The following CATSPERE variants were observed in gnomAD, a reference collection of about 807,000 sequenced individuals.
CATSPERE encodes the protein catsper channel auxiliary subunit epsilon.
In CATSPERE, 93 loss-of-function variants were observed where a neutral mutation model predicts 114.1. That is an observed-to-expected ratio of 0.81 (90% CI 0.69 to 0.97). The LOEUF (loss-of-function observed/expected upper bound fraction) is 0.97. Ranked by LOEUF, CATSPERE falls within the 50% of genes least tolerant of loss-of-function variation. CATSPERE has a pLI of 0.00. For synonymous variants in CATSPERE, 341 were observed against 384.1 expected (o/e 0.89, Z 1.31); for missense variants, 1,058 against 1,131.6 (o/e 0.93, Z 0.93).
chr1:244,584,896 T>C (rs893955691), intron 13 of CATSPERE, among the ~76,000 whole-genome samples: 15 of 152,146 alleles, frequency 9.9e-5, no homozygotes, highest in Non-Finnish European at 1.6e-4. Flanking sequence ...ACAACTCCCC[T>C]GTCTGCCTAC....
At chr1:244,631,420 A>G (rs1040565765) in intron 20 of CATSPERE, among the ~76,000 whole-genome samples, 1 of 152,092 alleles carries the variant, frequency 6.6e-6, no homozygotes, top group Non-Finnish European at 1.5e-5. Flanking sequence ...GATAAACACC[A>G]GTGGTATGAT....
At chr1:244,482,311 T>C (rs1420254936) in intron 5 of CATSPERE, among the ~76,000 whole-genome samples, 1 of 151,896 alleles carries the variant, frequency 6.6e-6, no homozygotes, top group Non-Finnish European at 1.5e-5. Context: ...ACAAAAAATA[T>C]AAAAAATTTG....
At chr1:244,454,481 G>A (rs1665941676) in exon 1 of CATSPERE, 1 of 151,868 alleles carries the variant, frequency 6.6e-6, no homozygotes, top group African/African-American at 2.4e-5. Flanking sequence ...AACAGTAAAG[G>A]GTGATTTTCT....
intron 19 of CATSPERE, 195 bp downstream of exon 19, chr1:244,610,521 G>GT (rs1180246364): frequency 1.5e-5 from 10 of 675,648 alleles, no homozygotes; most frequent in Non-Finnish European, 2.2e-5. Context: ...TGTTGGTTCT[G>GT]TGTTACTATT....
intron 17 of CATSPERE, chr1:244,598,778 G>A (rs753713551): frequency 2.5e-5 from 4 of 161,848 alleles, no homozygotes; most frequent in South Asian, 3.2e-4. Flanking sequence ...ACCTCTTAGT[G>A]TTGGAATGCC....
rs545821881 is a variant in CATSPERE, at chr1:244,515,806, T to C, written c.430-2786T>C. On this transcript the variant is annotated intron_variant, in intron 7 of 21. Transcript: ENST00000366534. ...GATACAACTAGAAAAATTATTGTTA[T>C]TTTTAATAACAATACTATTATAATA... 8.0e-4 allele frequency among the ~76,000 whole-genome samples: 121 copies of C among 151,536 alleles called. 2 individuals carry two copies. Among genetic ancestry groups the C allele is most frequent in the African/African-American group, 2.8e-3 (115 of 41,434 alleles).
intron 10 of CATSPERE, among the ~76,000 whole-genome samples, chr1:244,564,966 G>A (rs1330745809): frequency 1.3e-5 from 2 of 152,102 alleles, no homozygotes; most frequent in Non-Finnish European, 1.5e-5. Context: ...AAGGGGTGTT[G>A]AATTTTATTG....
chr1:244,588,988 CT>C (rs1359667758), intron 14 of CATSPERE, among the ~76,000 whole-genome samples: 1 of 152,166 alleles, frequency 6.6e-6, no homozygotes, highest in Non-Finnish European at 1.5e-5. Flanking sequence ...TGGGAAATTT[CT>C]TAGAACAAGC....
rs1665026748 is a variant in CATSPERE at position 244,575,016 on chromosome 1, A to C, written c.1950+2244A>C. 1.4e-5 allele frequency among the ~76,000 whole-genome samples: 2 copies of C among 144,070 alleles called. No homozygotes were observed. The highest frequency in any genetic ancestry group is 3.0e-5 in the Non-Finnish European group (2 of 65,714). The allele number at this position is 144,070 out of a possible 152,430, so 94.5% of individuals were successfully genotyped here. The stretch of plus-strand genomic sequence containing the variant: ...GTCTCTTTCAGTCTCTCGCTCACTT[A>C]TTCTCTCCCTCTATCTCTCTCTCTC... On this transcript the variant is annotated intron_variant, in intron 11 of 21. Transcript: ENST00000366534. This position sits in a 1 kb window ranked among gnomAD's most constrained non-coding sequence, Gnocchi z 4.5.
intron 4 of CATSPERE, among the ~76,000 whole-genome samples, chr1:244,478,921 A>G (rs963186136): frequency 8.8e-5 from 13 of 147,858 alleles, no homozygotes; most frequent in African/African-American, 3.3e-4. Context: ...CCAGCTACTC[A>G]GGAGGCTGAG....
chr1:244,591,835 G>A (rs995874433), intron 15 of CATSPERE, 104 bp downstream of exon 15: 3 of 710,526 alleles, frequency 4.2e-6, no homozygotes, highest in Non-Finnish European at 7.1e-6. Context: ...CCATGTGTTC[G>A]GCTTGACACT....
intron 7 of CATSPERE, among the ~76,000 whole-genome samples, chr1:244,514,828 CAA>C (rs371207477): frequency 2.1e-4 from 9 of 42,410 alleles, no homozygotes; most frequent in Non-Finnish European, 4.3e-4. Context: ...GACTCCATCT[CAA>C]AAAAAAAAAA....
chr1:244,509,953 C>T (rs569638979), intron 7 of CATSPERE, among the ~76,000 whole-genome samples: 2 of 152,156 alleles, frequency 1.3e-5, no homozygotes, highest in South Asian at 4.1e-4. Context: ...CTGATTTTAT[C>T]GAGTCTTCTC....
Position 244,498,982 on chromosome 1 carries a change from A to G in CATSPERE, c.352-20A>G. On this transcript the variant is annotated intron_variant, in intron 6 of 21. Transcript: ENST00000366534. ...ATTTGTACAAAATGTAAAGAAATGC[A>G]AACAAATTTTATTTTCTAGCTTATC... The G allele has an allele frequency of 6.3e-7, 1 of 1,584,380 alleles. No individual in the cohort carries two copies. The highest frequency in any genetic ancestry group is 8.7e-7 in the Non-Finnish European group (1 of 1,154,782).
At chr1:244,589,765 A>C (rs535822218) in intron 14 of CATSPERE, among the ~76,000 whole-genome samples, 77 of 152,366 alleles carry the variant, frequency 5.1e-4, no homozygotes, top group African/African-American at 1.6e-3. Context: ...GATGGAAAGC[A>C]GCTTGAAGCA....
intron 20 of CATSPERE, 100 bp from the exon 21 acceptor site, chr1:244,635,389 A>G: frequency 1.2e-6 from 1 of 800,274 alleles, no homozygotes; most frequent in Non-Finnish European, 2.1e-6. Context: ...CACCTTAACT[A>G]GGATTATATA....
In CATSPERE at chr1:244,464,620, A is replaced by G. The variant is rs193089306; in HGVS notation, c.114+664A>G. On this transcript the variant is annotated intron_variant, in intron 2 of 21. Transcript: ENST00000366534. ...GATTGTTTCCCGAATGGCAGTTACA[A>G]TTTATATTCTCACTCAATGTACATC... Among the ~76,000 whole-genome samples the G allele has an allele frequency of 7.2e-5, 11 of 152,312 alleles. No homozygotes were observed. The East Asian group carries it at 1.9e-3, about 27-fold the overall frequency.
chr1:244,596,407 A>G (rs1045747718), intron 17 of CATSPERE, among the ~76,000 whole-genome samples: 2 of 152,178 alleles, frequency 1.3e-5, no homozygotes, highest in Non-Finnish European at 2.9e-5. Flanking sequence ...GCTTCACTCT[A>G]ATAAACTTGC....
rs1326525192 is a variant in CATSPERE at position 244,625,426 on chromosome 1, A to ATTTTTTTTTTTT, written c.2648+7741_2648+7742insTTTTTTTTTTTT. Reference sequence around the variant, plus strand: ...ATTATTTATATATATATATATATATATATATATTTTTTTTTTTTTTTGAGA... The same window carrying ATTTTTTTTTTTT: ...ATTATTTATATATATATATATATATATTTTTTTTTTTTTATATATTTTTTTTTTTTTTTGAGA... On this transcript the variant is annotated intron_variant, in intron 20 of 21. Transcript: ENST00000366534. Among the ~76,000 whole-genome samples the ATTTTTTTTTTTT allele has an allele frequency of 6.1e-3, 24 of 3,944 alleles. 4 individuals carry two copies. The highest frequency in any genetic ancestry group is 0.031 in the East Asian group (2 of 64). The allele number at this position is 3,944 out of a possible 152,430, so 2.6% of individuals were successfully genotyped here.
Sources: gnomAD v4.1 joint callset for allele counts (sites outside exome capture counted in the v4.1 genomes callset) on GRCh38, gnomAD v4.1.1 for gene constraint, Gnocchi (gnomAD v3.1) non-coding constraint, MANE v1.5 for transcripts, NCBI Gene and HGNC (gene_info 2026-07-23, HGNC 2026-07-21) for gene names.